The following CELSR1 variants were observed in gnomAD, a reference collection of about 807,000 sequenced individuals.
CELSR1 encodes cadherin EGF LAG seven-pass G-type receptor 1.
In CELSR1, 110 loss-of-function variants were observed where a neutral mutation model predicts 249.1. That is an observed-to-expected ratio of 0.44 (90% CI 0.38 to 0.52). CELSR1 has a LOEUF of 0.52. Ranked by LOEUF, CELSR1 falls within the 20% of genes least tolerant of loss-of-function variation. CELSR1 has a pLI of 0.00. For missense variants in CELSR1, 4,109 were observed against 4,296.4 expected (o/e 0.96, Z 1.22); for synonymous variants, 2,113 against 1,900.0 (o/e 1.11, Z -2.92).
rs1254934805 is a variant in CELSR1 at position 46,380,205 on chromosome 22, AAC to A, written c.7256+581_7256+582del. On this transcript the variant is annotated intron_variant, in intron 22 of 34. Coordinates refer to ENST00000674500, the MANE Select transcript of CELSR1 (RefSeq NM_001378328.1). This position sits in a 1 kb window ranked among gnomAD's most constrained non-coding sequence, Gnocchi z 5.1. ...TTTCCCTCGCTTGCATGGATGCTAGAACACAGATTCTCGCGCACAGATTCTCC... is the reference window on the plus strand; with the variant it reads ...TTTCCCTCGCTTGCATGGATGCTAGAACAGATTCTCGCGCACAGATTCTCC... 6.6e-6 allele frequency among the ~76,000 whole-genome samples: 1 copy of A among 152,212 alleles called. No individual in the cohort carries two copies. The highest frequency in any genetic ancestry group is 1.9e-4 in the East Asian group (1 of 5,188).
At chr22:46,368,380 CGAG>C (rs1028381392) in intron 27 of CELSR1, among the ~76,000 whole-genome samples, 2 of 151,984 alleles carry the variant, frequency 1.3e-5, no homozygotes, top group Non-Finnish European at 2.9e-5. Flanking sequence ...GCACTGAAGA[CGAG>C]GAACTGACAA....
At chr22:46,405,174 T>C (rs897190513) in intron 9 of CELSR1, among the ~76,000 whole-genome samples, 1 of 150,582 alleles carries the variant, frequency 6.6e-6, no homozygotes, top group Non-Finnish European at 1.5e-5. Flanking sequence ...TAATTTCCTT[T>C]GCTTGGCCGT....
At position 46,363,158 on chromosome 22, in the gene CELSR1, T is replaced by C. The variant is rs769418978; in HGVS notation, c.*65A>G. The C allele has an allele frequency of 3.1e-6, 5 of 1,613,684 alleles. No homozygotes were observed. The highest frequency in any genetic ancestry group is 1.3e-5 in the African/African-American group (1 of 74,970). ...GGTCTGAGGGTGATGCCGCAGCCTG[T>C]GTGGGGTGACGGGCTTGCCTCACGG... is the stretch of plus-strand genomic sequence containing the variant. On this transcript the variant is annotated 3_prime_UTR_variant, in exon 35 of 35. Coordinates refer to ENST00000674500, the MANE Select transcript of CELSR1 (RefSeq NM_001378328.1). This position sits in a 1 kb window ranked among gnomAD's most constrained non-coding sequence, Gnocchi z 4.3.
intron 23 of CELSR1, 62 bp downstream of exon 23, chr22:46,378,529 G>T (rs898510727): frequency 1.3e-5 from 19 of 1,518,590 alleles, no homozygotes; most frequent in Middle Eastern, 1.7e-4. Context: ...TGCAGGTTTG[G>T]GGGGGAGGGG....
At position 46,462,645 on chromosome 22, in the gene CELSR1, C is replaced by CA. The variant is rs10541493; in HGVS notation, c.4183+1061dup. ...ATCCTGCCTAATCCCAGAGAGCTTT[C>CA]AAAAAAAAAAAAAAAAAGACAGACT... On this transcript the variant is annotated intron_variant, in intron 2 of 34. Coordinates refer to ENST00000674500, the MANE Select transcript of CELSR1 (RefSeq NM_001378328.1). The CA allele has an allele frequency of 7.0e-3, 1,157 of 164,768 alleles. 3 individuals are homozygous for CA. The highest frequency in any genetic ancestry group is 0.022 in the Middle Eastern group (8 of 358). 10.2% of individuals were successfully genotyped at this position (164,768 alleles called of 1,614,324 possible). A position where few individuals can be genotyped will look rare whatever the true frequency, so the allele number is the denominator to read the frequency against.
In CELSR1 at chr22:46,410,938, C is replaced by T. The variant is rs953052134; in HGVS notation, c.4770-377G>A. ...GAAAAGGAAGGGCCTTGAAAGGAGG[C>T]CAGAAGAAAATGAGAACCCAGCACT... On this transcript the variant is annotated intron_variant, in intron 6 of 34. Coordinates refer to ENST00000674500, the MANE Select transcript of CELSR1 (RefSeq NM_001378328.1). This position sits in a 1 kb window ranked among gnomAD's most constrained non-coding sequence, Gnocchi z 6.8. Among the ~76,000 whole-genome samples the T allele has an allele frequency of 6.6e-6, 1 of 151,972 alleles. No individual in the cohort carries two copies. The highest frequency in any genetic ancestry group is 2.4e-5 in the African/African-American group (1 of 41,374).
At position 46,433,593 on chromosome 22, in the gene CELSR1, C is replaced by T. The variant is rs2079622423; in HGVS notation, c.4523-112G>A. On this transcript the variant is annotated intron_variant, in intron 4 of 34. Transcript: ENST00000674500. This position sits in a 1 kb window ranked among gnomAD's most constrained non-coding sequence, Gnocchi z 5.7. ...GGAGACAGGTGCACATGGCCACGTC[C>T]TCCCTCCCCTCCCCACGGCACCATG... 1 of 697,406 alleles carries T rather than the reference C, an allele frequency of 1.4e-6. No individual in the cohort carries two copies. Among genetic ancestry groups the T allele is most frequent in the East Asian group, 2.8e-5 (1 of 36,008 alleles). The allele number at this position is 697,406 out of a possible 1,614,324, so 43.2% of individuals were successfully genotyped here.
intron 12 of CELSR1, among the ~76,000 whole-genome samples, chr22:46,397,433 G>C (rs1295766030): frequency 2.0e-5 from 3 of 151,948 alleles, no homozygotes; most frequent in Admixed American, 2.0e-4. Flanking sequence ...ACTTTTCACT[G>C]TTTCTTTGCT....
chr22:46,384,622 G>T lies in CELSR1; in HGVS notation c.6804C>A (p.Thr2268=), dbSNP rs754630186. 15 of 1,613,812 alleles carry T rather than the reference G, an allele frequency of 9.3e-6. No homozygotes were observed. The South Asian group carries it at 1.3e-4, about 14-fold the overall frequency. Residue 2268 remains threonine, a synonymous_variant, in exon 20 of 35, where the codon ACC becomes ACA. Coordinates refer to ENST00000674500, the MANE Select transcript of CELSR1 (RefSeq NM_001378328.1). Reference sequence around the variant, plus strand: ...GCTCCCTGGGGAACTCTTCATGGATGGTGTCGAATCGCGGGACCCTGGCTC... The same window carrying T: ...GCTCCCTGGGGAACTCTTCATGGATTGTGTCGAATCGCGGGACCCTGGCTC... ...FTGARVPRFD[T]IHEEFPRELE...
chr22:46,363,328 G>A lies in CELSR1; in HGVS notation c.9036-81C>T, dbSNP rs560027124. 2.4e-6 allele frequency: 3 copies of A among 1,243,482 alleles called. No homozygotes were observed. The highest frequency in any genetic ancestry group is 1.5e-5 in the African/African-American group (1 of 68,198). The allele number at this position is 1,243,482 out of a possible 1,614,324, so 77.0% of individuals were successfully genotyped here. On this transcript the variant is annotated intron_variant, in intron 34 of 34. Coordinates refer to ENST00000674500, the MANE Select transcript of CELSR1 (RefSeq NM_001378328.1). This position sits in a 1 kb window ranked among gnomAD's most constrained non-coding sequence, Gnocchi z 4.3. ...GGTGGGGCCCAAGGTTGTCACACGG[G>A]GGGGCAGGATCACCCCATCAGGGTA...
At chr22:46,519,876 T>TTTC (rs2080667389) in intron 1 of CELSR1, among the ~76,000 whole-genome samples, 1 of 151,308 alleles carries the variant, frequency 6.6e-6, no homozygotes. Flanking sequence ...CTATTGCTTT[T>TTTC]TTTTTTTTTT....
rs1602073478 is a variant in CELSR1, at chr22:46,395,502, A to C, written c.5843+1103T>G. 6.6e-6 allele frequency among the ~76,000 whole-genome samples: 1 copy of C among 150,442 alleles called. No homozygotes were observed. The highest frequency in any genetic ancestry group is 1.9e-4 in the East Asian group (1 of 5,150). The stretch of plus-strand genomic sequence containing the variant: ...TCCCGCTTCAGCCACACTGGCTCCC[A>C]CCTCCCTCTCCACTCCCAGGGCACC... On this transcript the variant is annotated intron_variant, in intron 13 of 34. Coordinates refer to ENST00000674500, the MANE Select transcript of CELSR1 (RefSeq NM_001378328.1). The surrounding 1 kb of genome is among the most constrained non-coding windows in gnomAD (Gnocchi z 5.5).
chr22:46,382,145 G>T, intron 20 of CELSR1, 95 bp from the exon 21 acceptor site: 2 of 1,168,070 alleles, frequency 1.7e-6, no homozygotes, highest in Non-Finnish European at 2.3e-6. Flanking sequence ...AAAACCAACA[G>T]ATGTCCCACA....
chr22:46,376,803 CAA>C (rs71705266), intron 24 of CELSR1, among the ~76,000 whole-genome samples: 13 of 122,320 alleles, frequency 1.1e-4, no homozygotes, highest in Non-Finnish European at 1.4e-4. Context: ...GCGAGACTCT[CAA>C]AAAAAAAAAA....
intron 3 of CELSR1, 135 bp downstream of exon 3, chr22:46,439,054 G>A (rs2079703368): frequency 3.4e-6 from 3 of 870,676 alleles, no homozygotes; most frequent in Non-Finnish European, 5.4e-6. Context: ...CACCGCGCCT[G>A]GCCTGGAGCT....
intron 1 of CELSR1, among the ~76,000 whole-genome samples, chr22:46,492,979 C>T (rs1005763309): frequency 6.6e-6 from 1 of 152,202 alleles, no homozygotes; most frequent in Non-Finnish European, 1.5e-5. Context: ...AAACAAAGCA[C>T]GTGTCTATAA....
In CELSR1 at chr22:46,390,407, C is replaced by T; in HGVS notation, c.6330G>A (p.Val2110=). The change falls in exon 17 of 35, where the codon GTG becomes GTA. Residue 2110 remains valine, a synonymous_variant. Coordinates refer to ENST00000674500, the MANE Select transcript of CELSR1 (RefSeq NM_001378328.1). This position sits in a 1 kb window ranked among gnomAD's most constrained non-coding sequence, Gnocchi z 6.3. ...GCGCCCCTACCATGGCCCTGAGGTC[C>T]ACGAAGGAGATGGTGGTACAGTTAA... ...ELFNCTTISF[V]DLRAMNEKLS... is the part of the protein sequence containing the mutation. 1 of 1,613,508 alleles carries T rather than the reference C, an allele frequency of 6.2e-7. No homozygotes were observed. The highest frequency in any genetic ancestry group is 8.5e-7 in the Non-Finnish European group (1 of 1,179,772).
At chr22:46,524,541 CGTGT>C (rs71192413) in intron 1 of CELSR1, among the ~76,000 whole-genome samples, 149 of 77,874 alleles carry the variant, frequency 1.9e-3, no homozygotes, top group Middle Eastern at 5.4e-3. Flanking sequence ...CCGTTGTGTG[CGTGT>C]GTGTGTGTGT....
In CELSR1 at chr22:46,536,986, CGCGGCGCCCGGGGCGTGCAA is replaced by C. The variant is rs1193091661; in HGVS notation, c.165_184del (p.Cys56GlyfsTer194). On this transcript the variant is annotated frameshift_variant, in exon 1 of 35. Coordinates refer to ENST00000674500, the MANE Select transcript of CELSR1 (RefSeq NM_001378328.1). LOFTEE classifies it high-confidence loss of function. ...ATCGCGGCCCACGTCCAGCAGCTCC[CGCGGCGCCCGGGGCGTGCAA>C]GCGGCGCCCACCGCGTAGGTACAGC... 3 of 1,124,894 alleles carry C rather than the reference CGCGGCGCCCGGGGCGTGCAA, an allele frequency of 2.7e-6. No homozygotes were observed. Among genetic ancestry groups the C allele is most frequent in the Admixed American group, 5.0e-5 (1 of 20,010 alleles). 69.7% of individuals were successfully genotyped at this position (1,124,894 alleles called of 1,614,324 possible). A position where few individuals can be genotyped will look rare whatever the true frequency, so the allele number is the denominator to read the frequency against.
Sources: allele counts gnomAD v4.1 joint callset (sites outside exome capture counted in the v4.1 genomes callset), GRCh38; gene constraint gnomAD v4.1.1; non-coding constraint Gnocchi (gnomAD v3.1); transcripts MANE v1.5; gene names NCBI Gene and HGNC (gene_info 2026-07-23, HGNC 2026-07-21).